Variants in SENP6 observed in about 807,000 individuals in gnomAD.
SENP6 encodes sentrin-specific protease 6.
Under a neutral mutation model 134.5 loss-of-function variants are expected in SENP6, and 41 were observed. That is an observed-to-expected ratio of 0.30 (90% CI 0.24 to 0.40). The LOEUF is 0.40. Ranked by LOEUF, SENP6 falls within the 10% of genes least tolerant of loss-of-function variation. The pLI is 1.00. For synonymous variants in SENP6, 395 were observed against 429.8 expected, an observed-to-expected ratio of 0.92 and a Z score of 1.00; for missense variants, 1,248 against 1,312.5, an observed-to-expected ratio of 0.95 and a Z score of 0.76.
chr6:75,625,307 G>C (rs147171917), intron 3 of SENP6, among the ~76,000 whole-genome samples: 19 of 151,524 alleles, frequency 1.3e-4, no homozygotes, highest in African/African-American at 4.6e-4. Context: ...TAGAGACCGG[G>C]TTTCACCATT....
At chr6:75,607,173 C>A (rs914594165) in intron 1 of SENP6, among the ~76,000 whole-genome samples, 1 of 152,016 alleles carries the variant, frequency 6.6e-6, no homozygotes, top group Non-Finnish European at 1.5e-5. Context: ...CATAGTGAGC[C>A]CGTGTCTGTA....
At chr6:75,620,665 CT>C (rs1165389904) in intron 1 of SENP6, 1 of 152,142 alleles carries the variant, frequency 6.6e-6, no homozygotes, top group Non-Finnish European at 1.5e-5. Flanking sequence ...GGTGGATGTA[CT>C]TTATTTGTCT....
chr6:75,629,142 T>C (rs1263186429), intron 3 of SENP6, among the ~76,000 whole-genome samples: 1 of 152,230 alleles, frequency 6.6e-6, no homozygotes, highest in African/African-American at 2.4e-5. Flanking sequence ...TGGATAAATA[T>C]ACTAAAAAAG....
At chr6:75,661,033 AT>A (rs1222347753) in intron 8 of SENP6, among the ~76,000 whole-genome samples, 2 of 151,982 alleles carry the variant, frequency 1.3e-5, no homozygotes, top group African/African-American at 4.8e-5. Context: ...GAGGGAACAT[AT>A]TTGGGCACTA....
intron 3 of SENP6, among the ~76,000 whole-genome samples, chr6:75,630,870 A>C (rs543216627): frequency 4.3e-4 from 65 of 152,072 alleles, no homozygotes; most frequent in Non-Finnish European, 8.2e-4. Context: ...TCCGTAACCT[A>C]TATTTTATGT....
chr6:75,696,016 G>A lies in SENP6; in HGVS notation c.2195+93G>A. ...TACTTGAAAGAAAACACAAATCTCT[G>A]CAGTTCTCTTGCTTACTTTTTAAAT... On this transcript the variant is annotated intron_variant, in intron 17 of 23. Transcript: ENST00000447266. 3 of 1,150,540 alleles carry A rather than the reference G, an allele frequency of 2.6e-6. No individual in the cohort carries two copies. The South Asian group carries it at 5.8e-5, about 22-fold the overall frequency. The allele number at this position is 1,150,540 out of a possible 1,614,324, so 71.3% of individuals were successfully genotyped here. A position where few individuals can be genotyped will look rare whatever the true frequency, so the allele number is the denominator to read the frequency against.
At chr6:75,606,776 T>C (rs796431224) in intron 1 of SENP6, among the ~76,000 whole-genome samples, 168 of 140,720 alleles carry the variant, frequency 1.2e-3, no homozygotes, top group African/African-American at 4.0e-3. Context: ...TTGCAAATAT[T>C]CCAAAATCCA....
At chr6:75,660,995 G>A (rs1317160332) in intron 8 of SENP6, among the ~76,000 whole-genome samples, 1 of 152,098 alleles carries the variant, frequency 6.6e-6, no homozygotes, top group East Asian at 1.9e-4. Context: ...TGCATACAAG[G>A]AGAAGGAAAT....
At chr6:75,604,805 G>C (rs983919741) in intron 1 of SENP6, among the ~76,000 whole-genome samples, 1 of 152,094 alleles carries the variant, frequency 6.6e-6, no homozygotes, top group South Asian at 2.1e-4. Flanking sequence ...AGGCGTGGTG[G>C]CTCACGCCTG....
At chr6:75,613,772 T>G (rs1767641743) in intron 1 of SENP6, among the ~76,000 whole-genome samples, 1 of 152,204 alleles carries the variant, frequency 6.6e-6, no homozygotes, top group African/African-American at 2.4e-5. Flanking sequence ...TACATTCTCT[T>G]AAGTTACTGC....
At chr6:75,699,770 A>G (rs1294708540) in intron 18 of SENP6, among the ~76,000 whole-genome samples, 2 of 152,156 alleles carry the variant, frequency 1.3e-5, no homozygotes, top group African/African-American at 4.8e-5. Context: ...GATTACAGGC[A>G]TGTGCCACTG....
intron 1 of SENP6, among the ~76,000 whole-genome samples, chr6:75,602,808 C>T (rs917544191): frequency 6.6e-6 from 1 of 152,186 alleles, no homozygotes; most frequent in Non-Finnish European, 1.5e-5. Context: ...GTGGATTGAG[C>T]TACGAGCCAG....
intron 1 of SENP6, among the ~76,000 whole-genome samples, chr6:75,609,120 A>G (rs886327139): frequency 7.3e-6 from 1 of 137,268 alleles, no homozygotes. Flanking sequence ...GCACAGCTTA[A>G]GTTATTGGGG....
At chr6:75,657,915 T>G (rs1771469691) in intron 7 of SENP6, among the ~76,000 whole-genome samples, 2 of 152,068 alleles carry the variant, frequency 1.3e-5, no homozygotes, top group African/African-American at 2.4e-5. Flanking sequence ...AGGTAAAGTT[T>G]AAGTGGAAGT....
intron 22 of SENP6, 39 bp from the exon 23 acceptor site, chr6:75,713,636 A>C (rs377476270): frequency 6.3e-7 from 1 of 1,592,254 alleles, no homozygotes; most frequent in Admixed American, 1.7e-5. Context: ...ATGTATATTT[A>C]TATATGTGTG....
At chr6:75,615,968 GT>G (rs2149824183) in intron 1 of SENP6, among the ~76,000 whole-genome samples, 1 of 152,078 alleles carries the variant, frequency 6.6e-6, no homozygotes, top group African/African-American at 2.4e-5. Flanking sequence ...GCTTTCTTTG[GT>G]CAACTATACT....
chr6:75,654,065 TA>T (rs993240464), intron 7 of SENP6, among the ~76,000 whole-genome samples: 1 of 151,280 alleles, frequency 6.6e-6, no homozygotes, highest in African/African-American at 2.4e-5. Flanking sequence ...CTCTATAAAA[TA>T]AAAAAAAATT....
intron 7 of SENP6, chr6:75,654,931 C>A (rs1372544803): frequency 1.3e-5 from 2 of 152,204 alleles, no homozygotes; most frequent in Non-Finnish European, 2.9e-5. Flanking sequence ...CTAGTCATCC[C>A]TTACTACGTT....
intron 17 of SENP6, among the ~76,000 whole-genome samples, chr6:75,697,192 C>T (rs570231008): frequency 3.9e-5 from 6 of 152,182 alleles, no homozygotes; most frequent in Non-Finnish European, 8.8e-5. Flanking sequence ...GAACTTCCAC[C>T]CCTCAGATGG....
Sources: gnomAD v4.1 joint callset for allele counts (sites outside exome capture counted in the v4.1 genomes callset) on GRCh38, gnomAD v4.1.1 for gene constraint, MANE v1.5 for transcripts, NCBI Gene and HGNC (gene_info 2026-07-23, HGNC 2026-07-21) for gene names.